CSRNP3: variants seen among roughly 807,000 people sequenced by gnomAD.
The protein encoded by CSRNP3 is cysteine/serine-rich nuclear protein 3.
CSRNP3 carries 12 observed loss-of-function variants against 48.0 expected under a neutral mutation model. That is an observed-to-expected ratio of 0.25 (90% confidence interval 0.16 to 0.41). The LOEUF (loss-of-function observed/expected upper bound fraction) is 0.41. Ranked by LOEUF, CSRNP3 falls within the 10% of genes least tolerant of loss-of-function variation. The pLI, the probability that CSRNP3 is intolerant of heterozygous loss-of-function variation, is 1.00. For missense variants in CSRNP3, 580 were observed against 724.4 expected, an observed-to-expected ratio of 0.80 and a Z score of 2.29; for synonymous variants, 263 against 269.7, an observed-to-expected ratio of 0.98 and a Z score of 0.24.
intron 4 of CSRNP3, among the ~76,000 whole-genome samples, chr2:165,620,077 A>C (rs1686314303): frequency 6.6e-6 from 1 of 152,196 alleles, no homozygotes; most frequent in Non-Finnish European, 1.5e-5. Context: ...AGTAGAAATA[A>C]AGTCAGTTTT....
intron 2 of CSRNP3, among the ~76,000 whole-genome samples, chr2:165,516,929 T>G (rs1342702859): frequency 6.6e-6 from 1 of 152,148 alleles, no homozygotes; most frequent in East Asian, 1.9e-4. Context: ...TACAGCAGCA[T>G]AAGTTGCTTG....
At chr2:165,559,054 G>A (rs1035317728) in intron 3 of CSRNP3, among the ~76,000 whole-genome samples, 1 of 152,146 alleles carries the variant, frequency 6.6e-6, no homozygotes, top group African/African-American at 2.4e-5. Context: ...CTTCAGTAAG[G>A]TGATGTGTCA....
At chr2:165,523,368 A>C (rs1184173163) in intron 3 of CSRNP3, among the ~76,000 whole-genome samples, 5 of 152,180 alleles carry the variant, frequency 3.3e-5, no homozygotes, top group Non-Finnish European at 7.3e-5. Flanking sequence ...AAACAAAAAC[A>C]AACCAACCTC....
chr2:165,619,904 G>A (rs919225097), intron 4 of CSRNP3, among the ~76,000 whole-genome samples: 2 of 152,032 alleles, frequency 1.3e-5, no homozygotes, highest in Non-Finnish European at 2.9e-5. Context: ...TAGGTTGGGG[G>A]TACATATTCT....
At chr2:165,525,502 T>C (rs1684720445) in intron 3 of CSRNP3, among the ~76,000 whole-genome samples, 1 of 150,584 alleles carries the variant, frequency 6.6e-6, no homozygotes, top group Non-Finnish European at 1.5e-5. Context: ...TTTTTTTTTT[T>C]TGGAGACAGA....
rs1015643715 is a variant in CSRNP3, at chr2:165,688,285, C to T, written c.*8532C>T. The T allele has an allele frequency of 6.6e-6, 1 of 152,004 alleles. No individual in the cohort carries two copies. Among genetic ancestry groups the T allele is most frequent in the Non-Finnish European group, 1.5e-5 (1 of 67,978 alleles). 9.4% of individuals were successfully genotyped at this position (152,004 alleles called of 1,614,324 possible). On this transcript the variant is annotated 3_prime_UTR_variant, in exon 7 of 7. Transcript: ENST00000651982. ...CAGCTCTGTTCCTAAGAACCTCAGC[C>T]TTTATTGTGTCTTAGTAAAGTTGAT...
rs1273166811 is a variant in CSRNP3 at position 165,487,598 on chromosome 2, C to T, written c.-282-7161C>T. 9.6e-4 allele frequency among the ~76,000 whole-genome samples: 140 copies of T among 146,368 alleles called. 4 individuals are homozygous for T. The highest frequency in any genetic ancestry group is 4.6e-4 in the Non-Finnish European group (31 of 66,778). On this transcript the variant is annotated intron_variant, in intron 1 of 6. Coordinates refer to ENST00000651982, the MANE Select transcript of CSRNP3 (RefSeq NM_001172173.2). The stretch of plus-strand genomic sequence containing the variant: ...CCCATCAGACTAACAGCGGATCTCT[C>T]GGCAGAAACCCTACAAGCCAGAAGA...
chr2:165,501,123 C>T (rs1574807244), intron 2 of CSRNP3, among the ~76,000 whole-genome samples: 1 of 152,166 alleles, frequency 6.6e-6, no homozygotes, highest in African/African-American at 2.4e-5. Context: ...ATTGATTAGG[C>T]TTCCCATTAT....
At chr2:165,573,430 A>G (rs1685402050) in intron 3 of CSRNP3, among the ~76,000 whole-genome samples, 2 of 152,230 alleles carry the variant, frequency 1.3e-5, no homozygotes, top group Admixed American at 1.3e-4. Flanking sequence ...TATGAGCAAT[A>G]GAGAAGTTTA....
chr2:165,677,643 T>G (rs1479961539), intron 6 of CSRNP3, among the ~76,000 whole-genome samples: 1 of 152,084 alleles, frequency 6.6e-6, no homozygotes, highest in African/African-American at 2.4e-5. Context: ...TACTTTTTAC[T>G]GGGGCCAAGA....
intron 3 of CSRNP3, among the ~76,000 whole-genome samples, chr2:165,585,649 T>C (rs752260574): frequency 6.6e-6 from 1 of 152,250 alleles, no homozygotes; most frequent in African/African-American, 2.4e-5. Flanking sequence ...CTTGGTGTTT[T>C]GTGCTTGCTG....
intron 3 of CSRNP3, among the ~76,000 whole-genome samples, chr2:165,569,749 A>G (rs1685343434): frequency 6.6e-6 from 1 of 152,020 alleles, no homozygotes; most frequent in African/African-American, 2.4e-5. Flanking sequence ...CTCTGGGGCT[A>G]TCCTCTTGCC....
At chr2:165,471,875 T>C (rs561761296) in intron 1 of CSRNP3, among the ~76,000 whole-genome samples, 1 of 151,318 alleles carries the variant, frequency 6.6e-6, no homozygotes, top group East Asian at 1.9e-4. Flanking sequence ...AAAAAAAGCA[T>C]GAAAGAAAAC....
intron 3 of CSRNP3, among the ~76,000 whole-genome samples, chr2:165,555,747 A>G (rs1307588947): frequency 6.6e-6 from 1 of 152,238 alleles, no homozygotes; most frequent in Non-Finnish European, 1.5e-5. Flanking sequence ...CTGAATCGTA[A>G]TATGTGAGTA....
intron 3 of CSRNP3, among the ~76,000 whole-genome samples, chr2:165,519,533 G>A (rs1432025379): frequency 2.0e-5 from 3 of 152,068 alleles, no homozygotes; most frequent in Non-Finnish European, 4.4e-5. Context: ...GTTAATGCAA[G>A]TAAAGTAATT....
chr2:165,686,938 G>C lies in CSRNP3; in HGVS notation c.*7185G>C, dbSNP rs975657775. ...ATCTCCAGAGGTCATATGGCTCATC[G>C]ATCTACCACCAGGGAAGACTGTCAC... On this transcript the variant is annotated 3_prime_UTR_variant, in exon 7 of 7. Coordinates refer to ENST00000651982, the MANE Select transcript of CSRNP3 (RefSeq NM_001172173.2). The C allele has an allele frequency of 6.6e-6, 1 of 152,004 alleles. No individual in the cohort carries two copies. The highest frequency in any genetic ancestry group is 2.4e-5 in the African/African-American group (1 of 41,410). The allele number at this position is 152,004 out of a possible 1,614,324, so 9.4% of individuals were successfully genotyped here. A position where few individuals can be genotyped will look rare whatever the true frequency, so the allele number is the denominator to read the frequency against.
At position 165,679,074 on chromosome 2, in the gene CSRNP3, G is replaced by T; in HGVS notation, c.1079G>T (p.Ser360Ile). The T allele has an allele frequency of 1.9e-6, 3 of 1,613,710 alleles. No individual in the cohort carries two copies. The highest frequency in any genetic ancestry group is 2.5e-6 in the Non-Finnish European group (3 of 1,179,828). The change falls in exon 7 of 7, where the codon AGC (serine) becomes ATC (isoleucine). Residue 360 changes from serine (S) to isoleucine (I), a missense_variant. By Grantham distance (142) the Ser-to-Ile change is moderately radical. Coordinates refer to ENST00000651982, the MANE Select transcript of CSRNP3 (RefSeq NM_001172173.2). Reference sequence around the variant, plus strand: ...TTTTGCAGCGGAGTCACAGATTCTAGCACGCAAAGCTTGGCACCTAGTGAG... The same window carrying T: ...TTTTGCAGCGGAGTCACAGATTCTATCACGCAAAGCTTGGCACCTAGTGAG... ...SSFCSGVTDS[S>I]TQSLAPSESD...
chr2:165,541,967 A>G (rs150442272), intron 3 of CSRNP3, among the ~76,000 whole-genome samples: 1 of 152,290 alleles, frequency 6.6e-6, no homozygotes, highest in African/African-American at 2.4e-5. Flanking sequence ...TGAGGAAACT[A>G]ATCTTAGCCA....
intron 3 of CSRNP3, among the ~76,000 whole-genome samples, chr2:165,544,101 A>T (rs1684993015): frequency 6.6e-6 from 1 of 152,102 alleles, no homozygotes; most frequent in Non-Finnish European, 1.5e-5. Context: ...ATGGAATAAA[A>T]TAAAACTGGA....
Sources: gnomAD v4.1 joint callset for allele counts (sites outside exome capture counted in the v4.1 genomes callset) on GRCh38, gnomAD v4.1.1 for gene constraint, MANE v1.5 for transcripts, NCBI Gene and HGNC (gene_info 2026-07-23, HGNC 2026-07-21) for gene names.